The following ZNF804B variants were observed in gnomAD, a reference collection of about 807,000 sequenced individuals.
ZNF804B encodes the protein zinc finger protein 804B.
ZNF804B carries 80 observed loss-of-function variants against 101.4 expected under a neutral mutation model. That is an observed-to-expected ratio of 0.79 (90% CI 0.66 to 0.95). ZNF804B has a LOEUF of 0.95. ZNF804B is among the 40% of genes least tolerant of loss of function. The probability of loss-of-function intolerance (pLI) is 0.00; values close to 1 mark genes in which losing one functional copy is unlikely to be tolerated. For missense variants in ZNF804B, 1,673 were observed against 1,561.9 expected, an observed-to-expected ratio of 1.07 and a Z score of -1.20; for synonymous variants, 622 against 558.8, an observed-to-expected ratio of 1.11 and a Z score of -1.59.
intron 1 of ZNF804B, among the ~76,000 whole-genome samples, chr7:88,845,104 A>G (rs1228597881): frequency 6.6e-6 from 1 of 152,214 alleles, no homozygotes; most frequent in Non-Finnish European, 1.5e-5. Flanking sequence ...TTGATGCTTT[A>G]ATAAGGCAAG....
At chr7:89,171,292 CTTCTT>C (rs1791223871) in intron 1 of ZNF804B, among the ~76,000 whole-genome samples, 1 of 46,318 alleles carries the variant, frequency 2.2e-5, no homozygotes, top group East Asian at 1.0e-3. Context: ...GCTGCTGCTT[CTTCTT>C]CTTCTTCTTC....
At chr7:89,272,041 T>G (rs1026429767) in intron 2 of ZNF804B, among the ~76,000 whole-genome samples, 2 of 152,124 alleles carry the variant, frequency 1.3e-5, no homozygotes, top group Non-Finnish European at 2.9e-5. Context: ...ATTCTTAGTA[T>G]GAAATTTTTA....
intron 1 of ZNF804B, among the ~76,000 whole-genome samples, chr7:88,788,649 T>C (rs1413695953): frequency 6.6e-6 from 1 of 152,166 alleles, no homozygotes; most frequent in African/African-American, 2.4e-5. Flanking sequence ...TACCATTGTA[T>C]CTTCAGGGTG....
chr7:88,760,095 C>G lies in ZNF804B; in HGVS notation c.108+11C>G, dbSNP rs778936395. The G allele has an allele frequency of 6.2e-7, 1 of 1,604,430 alleles. No individual in the cohort carries two copies. The highest frequency in any genetic ancestry group is 2.2e-5 in the East Asian group (1 of 44,822). On this transcript the variant is annotated intron_variant, in intron 1 of 3. Transcript: ENST00000333190. ...GGATCTCCCTCTCCGGTAATGTGCG[C>G]GCGCACACACATACATACACAAACG...
chr7:89,325,842 A>G (rs1352079768), intron 2 of ZNF804B, among the ~76,000 whole-genome samples: 1 of 151,992 alleles, frequency 6.6e-6, no homozygotes, highest in Non-Finnish European at 1.5e-5. Context: ...TCTCTCTGAC[A>G]CAGTTGTACT....
intron 1 of ZNF804B, among the ~76,000 whole-genome samples, chr7:88,791,371 T>A (rs1170135910): frequency 1.3e-5 from 2 of 152,124 alleles, no homozygotes; most frequent in African/African-American, 4.8e-5. Context: ...TAAATGAAAT[T>A]GTTTATAGTC....
In ZNF804B at chr7:89,165,741, G is replaced by A. The variant is rs185588826; in HGVS notation, c.109-52414G>A. ...AAGTACTGTATCTAGTTTAGACTCC[G>A]GGAACCAGAATTAAAAGGCAACTTC... On this transcript the variant is annotated intron_variant, in intron 1 of 3. Coordinates refer to ENST00000333190, the MANE Select transcript of ZNF804B (RefSeq NM_181646.5). Among the ~76,000 whole-genome samples the A allele has an allele frequency of 3.3e-5, 5 of 151,940 alleles. No homozygotes were observed. The South Asian group carries it at 8.3e-4, about 25-fold the overall frequency.
chr7:89,140,145 T>C (rs915801815), intron 1 of ZNF804B, among the ~76,000 whole-genome samples: 1 of 152,068 alleles, frequency 6.6e-6, no homozygotes, highest in Non-Finnish European at 1.5e-5. Flanking sequence ...AGAAATATTA[T>C]GAAATAAATC....
chr7:88,795,074 G>A lies in ZNF804B; in HGVS notation c.108+34990G>A, dbSNP rs1349051403. On this transcript the variant is annotated intron_variant, in intron 1 of 3. Transcript: ENST00000333190. ...GACAAAAAAAAAAAGAGTAAATCAC[G>A]GTTTGTCAAATGTTACTAAATAGTA... is the stretch of plus-strand genomic sequence containing the variant. The A allele has an allele frequency of 2.3e-5, 18 of 771,098 alleles. 1 individual carries two copies. Among genetic ancestry groups the A allele is most frequent in the Middle Eastern group, 6.5e-4 (2 of 3,100 alleles). 47.8% of individuals were successfully genotyped at this position (771,098 alleles called of 1,614,324 possible). A position where few individuals can be genotyped will look rare whatever the true frequency, so the allele number is the denominator to read the frequency against.
intron 2 of ZNF804B, among the ~76,000 whole-genome samples, chr7:89,272,821 C>T (rs555548390): frequency 2.0e-5 from 3 of 152,094 alleles, no homozygotes; most frequent in Non-Finnish European, 4.4e-5. Context: ...ACAAAACAAG[C>T]GTTTAATTAA....
intron 1 of ZNF804B, among the ~76,000 whole-genome samples, chr7:88,853,753 T>C (rs1791479580): frequency 6.6e-6 from 1 of 152,066 alleles, no homozygotes; most frequent in Non-Finnish European, 1.5e-5. Flanking sequence ...TGGCTAAAAA[T>C]TTCACCAATG....
At chr7:89,032,303 G>A (rs910212350) in intron 1 of ZNF804B, among the ~76,000 whole-genome samples, 3 of 151,554 alleles carry the variant, frequency 2.0e-5, no homozygotes, top group Non-Finnish European at 4.4e-5. Flanking sequence ...CTTGTGTTGG[G>A]GGGACAGGAT....
intron 1 of ZNF804B, among the ~76,000 whole-genome samples, chr7:88,842,983 A>C (rs1205040106): frequency 6.6e-6 from 1 of 152,216 alleles, no homozygotes; most frequent in Non-Finnish European, 1.5e-5. Context: ...TATAATCCTT[A>C]AATTATAGGA....
intron 1 of ZNF804B, among the ~76,000 whole-genome samples, chr7:89,069,559 C>G (rs73391227): frequency 0.025 from 3,786 of 151,810 alleles, 195 homozygotes; most frequent in African/African-American, 0.087. Context: ...TTGTACTTTT[C>G]AAAGTATGAT....
At chr7:88,977,709 C>A (rs1447713520) in intron 1 of ZNF804B, among the ~76,000 whole-genome samples, 1 of 150,904 alleles carries the variant, frequency 6.6e-6, no homozygotes, top group Non-Finnish European at 1.5e-5. Flanking sequence ...CTGTTGTTTT[C>A]TTTTTTCATT....
intron 1 of ZNF804B, among the ~76,000 whole-genome samples, chr7:88,768,478 G>A (rs1790016452): frequency 6.6e-6 from 1 of 152,174 alleles, no homozygotes; most frequent in African/African-American, 2.4e-5. Context: ...AGCACTTTGG[G>A]AGGCCCAGGT....
At chr7:89,199,685 T>C (rs988840241) in intron 1 of ZNF804B, among the ~76,000 whole-genome samples, 3 of 151,852 alleles carry the variant, frequency 2.0e-5, no homozygotes, top group Admixed American at 6.6e-5. Flanking sequence ...AAGGATGTAC[T>C]GCCTTTTCAT....
In ZNF804B at chr7:89,334,794, A is replaced by C. The variant is rs914424804; in HGVS notation, c.1812A>C (p.Glu604Asp). The change falls in exon 4 of 4, where the codon GAA becomes GAC. Residue 604 changes from glutamate (E) to aspartate (D), a missense_variant. Physicochemically the swap from Glu to Asp is conservative, Grantham distance 45 (BLOSUM62 2). Transcript: ENST00000333190. Reference sequence around the variant, plus strand: ...ATAGTAGTGAGAACAAACTTAAGGAAGCTTCAAGGGCCCATTGGCAAGGCT... The same window carrying C: ...ATAGTAGTGAGAACAAACTTAAGGACGCTTCAAGGGCCCATTGGCAAGGCT... ...KNNSSENKLKEASRAHWQGCR... is the reference protein window; with the variant it reads ...KNNSSENKLKDASRAHWQGCR... The C allele has an allele frequency of 3.1e-6, 5 of 1,613,888 alleles. No homozygotes were observed. The highest frequency in any genetic ancestry group is 4.2e-6 in the Non-Finnish European group (5 of 1,179,890).
chr7:89,019,859 G>C (rs1788635861), intron 1 of ZNF804B, among the ~76,000 whole-genome samples: 1 of 151,982 alleles, frequency 6.6e-6, no homozygotes, highest in African/African-American at 2.4e-5. Flanking sequence ...CAGGTGAGCT[G>C]AGTTTCATGT....
Sources: gnomAD v4.1 joint callset for allele counts (sites outside exome capture counted in the v4.1 genomes callset) on GRCh38, gnomAD v4.1.1 for gene constraint, MANE v1.5 for transcripts, NCBI Gene and HGNC (gene_info 2026-07-23, HGNC 2026-07-21) for gene names.